Variants in MALRD1 observed in about 807,000 individuals in gnomAD.
MALRD1 encodes MAM and LDL receptor class A domain containing 1, also known as MAM and LDL-receptor class A domain-containing protein 1.
MALRD1 carries 247 observed loss-of-function variants against 242.1 expected under a neutral mutation model. That is an observed-to-expected ratio of 1.02 (90% CI 0.92 to 1.13). The LOEUF (loss-of-function observed/expected upper bound fraction) is 1.13. Ranked by LOEUF, MALRD1 falls within the 50% of genes most tolerant of loss-of-function variation. The pLI, the probability that MALRD1 is intolerant of heterozygous loss-of-function variation, is 0.00. For synonymous variants in MALRD1, 995 were observed against 866.6 expected, an observed-to-expected ratio of 1.15 and a Z score of -2.60; for missense variants, 2,989 against 2,533.1, an observed-to-expected ratio of 1.18 and a Z score of -3.86.
intron 28 of MALRD1, among the ~76,000 whole-genome samples, chr10:19,422,070 C>T (rs1833737461): frequency 6.6e-6 from 1 of 152,204 alleles, no homozygotes; most frequent in South Asian, 2.1e-4. Flanking sequence ...AGAAAAACAG[C>T]ATTTTTTCCA....
At chr10:19,132,193 A>G (rs1396061195) in intron 8 of MALRD1, among the ~76,000 whole-genome samples, 1 of 152,230 alleles carries the variant, frequency 6.6e-6, no homozygotes, top group Non-Finnish European at 1.5e-5. Context: ...TTTTCATAAA[A>G]TGAAAACGGG....
At chr10:19,054,690 C>T (rs1834609711) in intron 1 of MALRD1, among the ~76,000 whole-genome samples, 1 of 152,136 alleles carries the variant, frequency 6.6e-6, no homozygotes, top group Non-Finnish European at 1.5e-5. Context: ...TTTCACTTAG[C>T]ATAATGTCCT....
chr10:19,173,036 C>A (rs968869214), intron 13 of MALRD1, among the ~76,000 whole-genome samples: 71 of 151,992 alleles, frequency 4.7e-4, no homozygotes, highest in African/African-American at 1.7e-3. Context: ...ATTAAAATAT[C>A]AAAAATTGCA....
chr10:19,054,383 A>G (rs1273769356), intron 1 of MALRD1, among the ~76,000 whole-genome samples: 1 of 152,198 alleles, frequency 6.6e-6, no homozygotes, highest in Non-Finnish European at 1.5e-5. Context: ...TCCATTTGCA[A>G]GTCCATTGCC....
At chr10:19,584,517 C>G (rs1837293237) in intron 33 of MALRD1, among the ~76,000 whole-genome samples, 1 of 152,138 alleles carries the variant, frequency 6.6e-6, no homozygotes, top group Non-Finnish European at 1.5e-5. Context: ...TGGTCAGTTT[C>G]CATGTAGTTG....
At chr10:19,589,206 G>C (rs1348484172) in intron 33 of MALRD1, among the ~76,000 whole-genome samples, 2 of 152,092 alleles carry the variant, frequency 1.3e-5, no homozygotes, top group African/African-American at 4.8e-5. Context: ...TGGGTGGATA[G>C]ATAGATAGAT....
chr10:19,421,200 T>A (rs1833707176), intron 28 of MALRD1, among the ~76,000 whole-genome samples: 1 of 152,160 alleles, frequency 6.6e-6, no homozygotes, highest in Non-Finnish European at 1.5e-5. Context: ...TTTTGATGCA[T>A]CTGTTTGTGT....
At chr10:19,503,461 A>G (rs541218121) in intron 31 of MALRD1, among the ~76,000 whole-genome samples, 2 of 152,292 alleles carry the variant, frequency 1.3e-5, no homozygotes, top group South Asian at 4.1e-4. Flanking sequence ...CTTTTTGGAG[A>G]CATTGACGAA....
At chr10:19,421,204 T>C (rs959691408) in intron 28 of MALRD1, among the ~76,000 whole-genome samples, 10 of 152,142 alleles carry the variant, frequency 6.6e-5, no homozygotes, top group African/African-American at 2.4e-4. Context: ...GATGCATCTG[T>C]TTGTGTGTGT....
intron 14 of MALRD1, among the ~76,000 whole-genome samples, chr10:19,199,513 G>T (rs1305109594): frequency 6.6e-6 from 1 of 151,954 alleles, no homozygotes; most frequent in Admixed American, 6.6e-5. Context: ...CTAAAATAAG[G>T]ACACGGGCCA....
intron 38 of MALRD1, among the ~76,000 whole-genome samples, chr10:19,719,215 C>CAT (rs1366048990): frequency 3.6e-5 from 3 of 84,294 alleles, no homozygotes; most frequent in African/African-American, 1.0e-4. Context: ...TATATATACA[C>CAT]ATACATACAT....
In MALRD1 at chr10:19,556,328, C is replaced by G. The variant is rs1294965844; in HGVS notation, c.5479-11174C>G. Among the ~76,000 whole-genome samples the G allele has an allele frequency of 2.0e-5, 3 of 152,222 alleles. No individual in the cohort carries two copies. In the East Asian group the frequency reaches 5.8e-4, roughly 29 times the overall value. ...TTTATAGTTTACACTAGGGCTTACTCTGGGTTGCACATTTCATGGATTTTG... is the reference window on the plus strand; with the variant it reads ...TTTATAGTTTACACTAGGGCTTACTGTGGGTTGCACATTTCATGGATTTTG... On this transcript the variant is annotated intron_variant, in intron 32 of 39. Transcript: ENST00000454679.
At chr10:19,722,816 C>T (rs957598569) in intron 38 of MALRD1, among the ~76,000 whole-genome samples, 2 of 151,846 alleles carry the variant, frequency 1.3e-5, no homozygotes, top group African/African-American at 4.8e-5. Context: ...TATCGGTGGG[C>T]ACCTACTTGT....
At chr10:19,113,086 T>C (rs866432112) in intron 5 of MALRD1, among the ~76,000 whole-genome samples, 18 of 151,962 alleles carry the variant, frequency 1.2e-4, no homozygotes, top group African/African-American at 2.9e-4. Context: ...ACATTTTTTT[T>C]CCCCTATGGG....
intron 29 of MALRD1, among the ~76,000 whole-genome samples, chr10:19,485,503 C>T (rs1471536589): frequency 2.0e-5 from 3 of 151,790 alleles, no homozygotes; most frequent in Admixed American, 6.6e-5. Flanking sequence ...ATTAGCCGGG[C>T]GTGGTGGCGG....
chr10:19,394,241 T>C (rs1329755560), intron 28 of MALRD1, among the ~76,000 whole-genome samples: 1 of 152,138 alleles, frequency 6.6e-6, no homozygotes, highest in African/African-American at 2.4e-5. Context: ...TTAGAGTTGG[T>C]GGGGTCTTAC....
chr10:19,063,485 C>G (rs558108607), intron 1 of MALRD1, among the ~76,000 whole-genome samples: 7 of 152,172 alleles, frequency 4.6e-5, no homozygotes, highest in African/African-American at 1.7e-4. Flanking sequence ...CTACTCATTC[C>G]CACTTTTTCA....
intron 5 of MALRD1, among the ~76,000 whole-genome samples, chr10:19,110,617 G>A (rs921674582): frequency 2.0e-5 from 3 of 152,156 alleles, no homozygotes; most frequent in Non-Finnish European, 4.4e-5. Context: ...AGGCAATGCA[G>A]CCTCTACTGC....
chr10:19,497,372 G>A (rs747833649), intron 30 of MALRD1, among the ~76,000 whole-genome samples: 12 of 151,330 alleles, frequency 7.9e-5, no homozygotes, highest in Admixed American at 4.6e-4. Flanking sequence ...CATACAAGAA[G>A]CAATAGATTA....
Sources: gnomAD v4.1 joint callset for allele counts (sites outside exome capture counted in the v4.1 genomes callset) on GRCh38, gnomAD v4.1.1 for gene constraint, MANE v1.5 for transcripts, NCBI Gene and HGNC (gene_info 2026-07-23, HGNC 2026-07-21) for gene names.